The following OPCML variants were observed in gnomAD, a reference collection of about 807,000 sequenced individuals.
The protein encoded by OPCML is opioid-binding protein/cell adhesion molecule.
In OPCML, 13 loss-of-function variants were observed where a neutral mutation model predicts 37.8. The observed-to-expected ratio is 0.34, with a 90% confidence interval of 0.22 to 0.55. The LOEUF is 0.55. Ranked by LOEUF, OPCML falls within the 20% of genes least tolerant of loss-of-function variation. OPCML has a pLI of 0.91. For synonymous variants in OPCML, 176 were observed against 168.8 expected (o/e 1.04, Z -0.33); for missense variants, 341 against 435.6 (o/e 0.78, Z 1.93).
intron 2 of OPCML, among the ~76,000 whole-genome samples, chr11:132,709,611 C>G (rs867798691): frequency 9.9e-5 from 15 of 152,202 alleles, no homozygotes; most frequent in Non-Finnish European, 1.8e-4. Context: ...TAGCATGCCC[C>G]CCTGGTTTCG....
At position 132,536,079 on chromosome 11, in the gene OPCML, G is replaced by A. The variant is rs190084755; in HGVS notation, c.380-6893C>T. ...GGAGTCATTGCTACACCCCCGCAAGGGGCACCTGTTCTGTCTGGTCCTCTC... is the reference window on the plus strand; with the variant it reads ...GGAGTCATTGCTACACCCCCGCAAGAGGCACCTGTTCTGTCTGGTCCTCTC... On this transcript the variant is annotated intron_variant, in intron 3 of 7. Coordinates refer to ENST00000524381, the MANE Select transcript of OPCML (RefSeq NM_001012393.5). 2.5e-3 allele frequency among the ~76,000 whole-genome samples: 380 copies of A among 152,194 alleles called. 3 individuals are homozygous for A. The highest frequency in any genetic ancestry group is 8.1e-3 in the African/African-American group (337 of 41,522).
intron 2 of OPCML, among the ~76,000 whole-genome samples, chr11:132,716,596 G>A (rs1195486471): frequency 6.6e-6 from 1 of 152,134 alleles, no homozygotes; most frequent in African/African-American, 2.4e-5. Flanking sequence ...TTCTCTAGGA[G>A]ATGCAATTTA....
At chr11:133,329,380 A>G (rs1943562834) in intron 1 of OPCML, among the ~76,000 whole-genome samples, 2 of 152,218 alleles carry the variant, frequency 1.3e-5, no homozygotes, top group African/African-American at 2.4e-5. Context: ...TGCCAAGTCA[A>G]TCCTAAGCCA....
intron 1 of OPCML, among the ~76,000 whole-genome samples, chr11:133,520,776 C>A (rs1398153592): frequency 1.3e-5 from 2 of 152,170 alleles, no homozygotes; most frequent in Non-Finnish European, 2.9e-5. Context: ...CTTGAGGCTC[C>A]GTGTTGGAGC....
intron 1 of OPCML, among the ~76,000 whole-genome samples, chr11:133,476,986 T>C (rs550116313): frequency 2.6e-5 from 4 of 152,272 alleles, no homozygotes; most frequent in African/African-American, 9.6e-5. Context: ...TAAGACTCAA[T>C]GGCAGAGGGC....
chr11:133,490,888 T>C (rs1947639926), intron 1 of OPCML, among the ~76,000 whole-genome samples: 1 of 152,202 alleles, frequency 6.6e-6, no homozygotes, highest in African/African-American at 2.4e-5. Context: ...GTTCCATAAC[T>C]CTTATCCCCT....
chr11:133,471,822 G>A (rs956739088), intron 1 of OPCML, among the ~76,000 whole-genome samples: 12 of 152,194 alleles, frequency 7.9e-5, no homozygotes, highest in Admixed American at 5.2e-4. Flanking sequence ...AGGAGTCATT[G>A]AAGACAGAGG....
intron 2 of OPCML, among the ~76,000 whole-genome samples, chr11:132,877,046 G>A (rs1484244284): frequency 3.9e-5 from 6 of 152,174 alleles, no homozygotes; most frequent in African/African-American, 1.4e-4. Flanking sequence ...TCTATCACAC[G>A]CAAGGGAAGC....
chr11:132,788,816 C>T (rs558885327), intron 2 of OPCML, among the ~76,000 whole-genome samples: 21 of 152,288 alleles, frequency 1.4e-4, no homozygotes, highest in South Asian at 8.3e-4. Flanking sequence ...CCAGGCCATC[C>T]GACATAGTCC....
chr11:133,207,927 G>C (rs183171207), intron 1 of OPCML, among the ~76,000 whole-genome samples: 2 of 151,996 alleles, frequency 1.3e-5, no homozygotes, highest in African/African-American at 4.8e-5. Flanking sequence ...TCGCCGCAGG[G>C]TCTTCATTCA....
At chr11:132,640,190 C>T (rs756088592) in intron 3 of OPCML, among the ~76,000 whole-genome samples, 6 of 152,102 alleles carry the variant, frequency 3.9e-5, no homozygotes, top group Non-Finnish European at 8.8e-5. Flanking sequence ...GATGCATATC[C>T]CGGAGCCTGA....
chr11:133,314,834 G>C (rs1420285193), intron 1 of OPCML, among the ~76,000 whole-genome samples: 2 of 152,228 alleles, frequency 1.3e-5, no homozygotes, highest in Non-Finnish European at 2.9e-5. Flanking sequence ...ACGGCAGAGA[G>C]AGTGGGCTGT....
At chr11:133,141,048 C>G (rs11821153) in intron 1 of OPCML, among the ~76,000 whole-genome samples, 1 of 5,790 alleles carries the variant, frequency 1.7e-4, no homozygotes, top group African/African-American at 3.2e-4. Context: ...ACGACGACGA[C>G]GAAGAAGAAG....
intron 2 of OPCML, among the ~76,000 whole-genome samples, chr11:132,767,165 G>A (rs1272319205): frequency 2.6e-5 from 4 of 152,196 alleles, no homozygotes; most frequent in Non-Finnish European, 5.9e-5. Context: ...TTCTATAAGT[G>A]TGAAATTATT....
intron 1 of OPCML, among the ~76,000 whole-genome samples, chr11:132,959,018 T>C (rs1429761959): frequency 2.0e-5 from 3 of 152,228 alleles, no homozygotes; most frequent in Non-Finnish European, 4.4e-5. Context: ...ATGGCTGCCA[T>C]AAATAGTGAT....
Position 133,089,765 on chromosome 11 carries a change from T to C in OPCML, c.62-146755A>G, listed in dbSNP as rs531132520. Among the ~76,000 whole-genome samples the C allele has an allele frequency of 3.7e-3, 526 of 143,918 alleles. 9 individuals carry two copies. Among genetic ancestry groups the C allele is most frequent in the African/African-American group, 8.9e-3 (354 of 39,778 alleles). The allele number at this position is 143,918 out of a possible 152,430, so 94.4% of individuals were successfully genotyped here. On this transcript the variant is annotated intron_variant, in intron 1 of 7. Coordinates refer to ENST00000524381, the MANE Select transcript of OPCML (RefSeq NM_001012393.5). ...AGAAGGGGGGACTTCAACCAACCCCTAAAAAAAAAAACCCAGTGGCTTATG... is the reference window on the plus strand; with the variant it reads ...AGAAGGGGGGACTTCAACCAACCCCCAAAAAAAAAAACCCAGTGGCTTATG...
At chr11:132,973,905 C>A (rs1436125488) in intron 1 of OPCML, among the ~76,000 whole-genome samples, 5 of 151,986 alleles carry the variant, frequency 3.3e-5, no homozygotes, top group Non-Finnish European at 5.9e-5. Context: ...ATAGAGAAAG[C>A]ACGGAGTGGA....
intron 7 of OPCML, among the ~76,000 whole-genome samples, chr11:132,426,064 A>G (rs2136676736): frequency 6.6e-6 from 1 of 152,356 alleles, no homozygotes; most frequent in South Asian, 2.1e-4. Flanking sequence ...TGGCTTCTTC[A>G]TGCCTGAAGT....
intron 1 of OPCML, chr11:133,298,489 T>C (rs539061477): frequency 3.3e-5 from 5 of 152,132 alleles, no homozygotes; most frequent in South Asian, 2.1e-4. Context: ...TTTTAAAAAA[T>C]TCTATTGACC....
Sources: allele counts gnomAD v4.1 joint callset (sites outside exome capture counted in the v4.1 genomes callset), GRCh38; gene constraint gnomAD v4.1.1; transcripts MANE v1.5; gene names NCBI Gene and HGNC (gene_info 2026-07-23, HGNC 2026-07-21).